Variants in TENM3 observed in about 807,000 individuals in gnomAD.
TENM3 encodes teneurin transmembrane protein 3, also known as teneurin-3.
Under a neutral mutation model 255.1 loss-of-function variants are expected in TENM3, and 63 were observed. The ratio of observed to expected loss-of-function variants is 0.25; its 90% CI spans 0.20 to 0.30. The LOEUF (loss-of-function observed/expected upper bound fraction) is 0.30. Among genes scored for constraint, TENM3 ranks in the 10% least tolerant of loss-of-function variants. The pLI is 1.00. For missense variants in TENM3, 2,929 were observed against 3,461.1 expected (o/e 0.85, Z 3.86); for synonymous variants, 1,306 against 1,322.3 (o/e 0.99, Z 0.27).
chr4:181,515,522 C>T, the TENM3 span, among the ~76,000 whole-genome samples: 1 of 151,918 alleles, frequency 6.6e-6, no homozygotes, highest in Admixed American at 6.6e-5. Flanking sequence ...TGTTCTACCC[C>T]AATATCAGAG....
At chr4:182,489,084 G>T (rs1489555843) in intron 3 of TENM3, among the ~76,000 whole-genome samples, 1 of 152,092 alleles carries the variant, frequency 6.6e-6, no homozygotes, top group Non-Finnish European at 1.5e-5. Context: ...CTGGACATAA[G>T]ATACTTGGCA....
the TENM3 span, among the ~76,000 whole-genome samples, chr4:181,924,645 A>G: frequency 3.3e-5 from 5 of 152,186 alleles, no homozygotes; most frequent in Non-Finnish European, 7.3e-5. Flanking sequence ...TCCTTTTCTT[A>G]CTTTTTTTAC....
intron 3 of TENM3, among the ~76,000 whole-genome samples, chr4:182,369,033 A>G (rs1178777828): frequency 1.3e-5 from 2 of 152,182 alleles, no homozygotes; most frequent in African/African-American, 4.8e-5. Context: ...GCCCTCCCCC[A>G]CATTAAATGT....
intron 1 of TENM3, among the ~76,000 whole-genome samples, chr4:182,283,348 T>C (rs1457873220): frequency 6.6e-6 from 1 of 152,200 alleles, no homozygotes; most frequent in East Asian, 1.9e-4. Context: ...CCCTTGCTTT[T>C]TCGCAATTAT....
In TENM3 at chr4:182,274,558, C is replaced by T. The variant is rs533344583; in HGVS notation, c.-76+31082C>T. On this transcript the variant is annotated intron_variant, in intron 1 of 27. Coordinates refer to ENST00000511685, the MANE Select transcript of TENM3 (RefSeq NM_001080477.4). ...GTGAGTTTGACTGGGGTCGCATGTT[C>T]GCCGTGTTCTACCTCCATCACTTGA... 2.0e-4 allele frequency among the ~76,000 whole-genome samples: 31 copies of T among 152,266 alleles called. 1 individual carries two copies. Among genetic ancestry groups the T allele is most frequent in the Admixed American group, 2.0e-3 (30 of 15,308 alleles).
chr4:181,902,714 T>C, the TENM3 span, among the ~76,000 whole-genome samples: 1 of 151,862 alleles, frequency 6.6e-6, no homozygotes, highest in Non-Finnish European at 1.5e-5. Context: ...TAAGTAGAAG[T>C]TGAACAATGA....
chr4:182,662,208 G>A (rs1408049545), intron 6 of TENM3, among the ~76,000 whole-genome samples: 3 of 152,016 alleles, frequency 2.0e-5, no homozygotes, highest in Admixed American at 6.6e-5. Context: ...ATAGCTTTGC[G>A]TATGTGGTCT....
intron 1 of TENM3, among the ~76,000 whole-genome samples, chr4:182,178,221 T>C (rs1476651309): frequency 1.3e-5 from 2 of 152,226 alleles, no homozygotes; most frequent in African/African-American, 2.4e-5. Flanking sequence ...TCTTCAGGAT[T>C]TGTGGTGGCT....
intron 3 of TENM3, among the ~76,000 whole-genome samples, chr4:182,561,891 C>CA (rs760780492): frequency 6.6e-6 from 1 of 151,324 alleles, no homozygotes; most frequent in Admixed American, 6.6e-5. Flanking sequence ...AAAATAATAG[C>CA]AAAACTGCAA....
the TENM3 span, among the ~76,000 whole-genome samples, chr4:181,481,459 T>A: frequency 2.6e-5 from 4 of 152,298 alleles, no homozygotes; most frequent in South Asian, 8.3e-4. Context: ...GAAACATATT[T>A]CAATAAATGT....
chr4:182,140,807 G>A (rs1246005357), upstream of TENM3, among the ~76,000 whole-genome samples: 1 of 152,218 alleles, frequency 6.6e-6, no homozygotes, highest in East Asian at 1.9e-4. Context: ...GAAGGCGCAT[G>A]TGATGCTGAC....
At chr4:181,504,751 G>A in the TENM3 span, among the ~76,000 whole-genome samples, 2 of 152,214 alleles carry the variant, frequency 1.3e-5, no homozygotes, top group Non-Finnish European at 2.9e-5. Context: ...AACCCACTCT[G>A]AGGTTGGGTA....
chr4:181,938,675 C>A, the TENM3 span, among the ~76,000 whole-genome samples: 1 of 152,184 alleles, frequency 6.6e-6, no homozygotes. Context: ...CAAACAAATG[C>A]ATCCCCCACC....
At position 182,773,457 on chromosome 4, in the gene TENM3, G is replaced by A. The variant is rs1263866604; in HGVS notation, c.4893-15G>A. 1 of 1,588,222 alleles carries A rather than the reference G, an allele frequency of 6.3e-7. No individual in the cohort carries two copies. Among genetic ancestry groups the A allele is most frequent in the Non-Finnish European group, 8.6e-7 (1 of 1,166,134 alleles). On this transcript the variant is annotated splice_polypyrimidine_tract_variant and intron_variant, in intron 22 of 27. Transcript: ENST00000511685. ...GTTTCCTATTTAACACCAAGTTAAT[G>A]CCTCTTGTATTTAGCTATGACAGTG... is the stretch of plus-strand genomic sequence containing the variant.
chr4:182,188,971 A>G (rs965079551), intron 1 of TENM3, among the ~76,000 whole-genome samples: 2 of 152,084 alleles, frequency 1.3e-5, no homozygotes, highest in African/African-American at 4.8e-5. Context: ...TATGTTAAAT[A>G]TTTTAATATT....
the TENM3 span, among the ~76,000 whole-genome samples, chr4:181,930,222 C>T: frequency 5.3e-5 from 8 of 152,072 alleles, no homozygotes; most frequent in Non-Finnish European, 1.0e-4. Context: ...ACCAATGAAT[C>T]CAGGAGCTGG....
At chr4:181,963,045 A>G in the TENM3 span, among the ~76,000 whole-genome samples, 1 of 152,268 alleles carries the variant, frequency 6.6e-6, no homozygotes, top group East Asian at 1.9e-4. Context: ...AGTTTATTTT[A>G]TTGAATACTT....
the TENM3 span, among the ~76,000 whole-genome samples, chr4:181,562,678 A>ATT: frequency 5.8e-3 from 826 of 143,234 alleles, 7 homozygotes; most frequent in African/African-American, 0.02. Flanking sequence ...ATTCTTCTTA[A>ATT]TTTTTTTTTT....
chr4:182,777,918 T>C (rs1475756706), intron 24 of TENM3, among the ~76,000 whole-genome samples: 1 of 151,444 alleles, frequency 6.6e-6, no homozygotes, highest in Non-Finnish European at 1.5e-5. Context: ...GGAAAAATCA[T>C]ATAAGAAAAC....
Sources: allele counts gnomAD v4.1 joint callset (sites outside exome capture counted in the v4.1 genomes callset), GRCh38; gene constraint gnomAD v4.1.1; transcripts MANE v1.5; gene names NCBI Gene and HGNC (gene_info 2026-07-23, HGNC 2026-07-21).